The following WNK1 variants were observed in gnomAD, a reference collection of about 807,000 sequenced individuals.
WNK1 encodes WNK lysine deficient protein kinase 1, also known as serine/threonine-protein kinase WNK1.
WNK1 carries 38 observed loss-of-function variants against 222.8 expected under a neutral mutation model. That is an observed-to-expected ratio of 0.17 (90% CI 0.13 to 0.22). The LOEUF is 0.22. Among genes scored for constraint, WNK1 ranks in the 10% least tolerant of loss-of-function variants. The pLI is 1.00. For synonymous variants in WNK1, 1,090 were observed against 1,092.9 expected, an observed-to-expected ratio of 1.00 and a Z score of 0.05; for missense variants, 2,348 against 2,918.4, an observed-to-expected ratio of 0.80 and a Z score of 4.50.
rs768679171 is a variant in WNK1 at position 896,583 on chromosome 12, G to A, written c.6096G>A (p.Ser2032=). The change falls in exon 24 of 28, where the codon TCG becomes TCA. Residue 2032 remains serine, a synonymous_variant. Coordinates refer to ENST00000315939, the MANE Select transcript of WNK1 (RefSeq NM_018979.4). ...ATGATGGTTCCGGTAGTCCACACTC[G>A]CCCCATCAGCTGAGCTCAAAGAGCC... The part of the protein sequence containing the change: ...DVDDGSGSPH[S]PHQLSSKSLP... 7.4e-6 allele frequency: 12 copies of A among 1,610,908 alleles called. No individual in the cohort carries two copies. Among genetic ancestry groups the A allele is most frequent in the South Asian group, 2.2e-5 (2 of 90,878 alleles).
At chr12:790,129 A>G (rs996506534) in intron 1 of WNK1, among the ~76,000 whole-genome samples, 2 of 152,256 alleles carry the variant, frequency 1.3e-5, no homozygotes, top group African/African-American at 4.8e-5. Flanking sequence ...TAGACTGCCA[A>G]CAGTGCCTGC....
rs1028669932 is a variant in WNK1 at position 827,851 on chromosome 12, G to A, written c.1153+589G>A. On this transcript the variant is annotated intron_variant, in intron 3 of 27. Coordinates refer to ENST00000315939, the MANE Select transcript of WNK1 (RefSeq NM_018979.4). The surrounding 1 kb of genome is among the most constrained non-coding windows in gnomAD (Gnocchi z 4.6). ...GCCAGCCATCTTTTCATTACACACTGTTGATACTTAACATTATACACTATT... is the reference window on the plus strand; with the variant it reads ...GCCAGCCATCTTTTCATTACACACTATTGATACTTAACATTATACACTATT... 1.3e-5 allele frequency among the ~76,000 whole-genome samples: 2 copies of A among 151,942 alleles called. No individual in the cohort carries two copies. Among genetic ancestry groups the A allele is most frequent in the Non-Finnish European group, 2.9e-5 (2 of 67,998 alleles).
chr12:832,379 A>G, intron 4 of WNK1, among the ~76,000 whole-genome samples: 1 of 152,200 alleles, frequency 6.6e-6, no homozygotes, highest in East Asian at 1.9e-4. Flanking sequence ...TTTATTATTA[A>G]AAACTGATAG....
chr12:829,673 T>G (rs113809360), intron 3 of WNK1, among the ~76,000 whole-genome samples: 1 of 152,350 alleles, frequency 6.6e-6, no homozygotes, highest in African/African-American at 2.4e-5. Context: ...TCTATTTGTT[T>G]TCAATATGAA....
intron 8 of WNK1, among the ~76,000 whole-genome samples, chr12:869,651 G>A (rs1024090746): frequency 6.6e-6 from 1 of 152,010 alleles, no homozygotes; most frequent in South Asian, 2.1e-4. Context: ...GATAGAAAAG[G>A]AAACAGTTTA....
intron 4 of WNK1, among the ~76,000 whole-genome samples, chr12:855,471 C>A: frequency 6.6e-6 from 1 of 152,136 alleles, no homozygotes; most frequent in East Asian, 1.9e-4. Context: ...TAGAGCTTAT[C>A]ATTTTATGTA....
At chr12:794,453 T>C (rs771558825) in intron 1 of WNK1, among the ~76,000 whole-genome samples, 1 of 152,126 alleles carries the variant, frequency 6.6e-6, no homozygotes, top group African/African-American at 2.4e-5. Flanking sequence ...GGGGTTTTCC[T>C]AGATGCCCTT....
At position 753,522 on chromosome 12, in the gene WNK1, G is replaced by C; in HGVS notation, c.-44G>C. On this transcript the variant is annotated 5_prime_UTR_variant, in exon 1 of 28. Transcript: ENST00000315939. The surrounding 1 kb of genome is among the most constrained non-coding windows in gnomAD (Gnocchi z 5.2). ...CGGCTCGGCCCTTCACGCCCTTTTC[G>C]TTCACGAATCCGAGCCCGCTCGCCT... The C allele has an allele frequency of 6.2e-7, 1 of 1,610,170 alleles. No homozygotes were observed. Among genetic ancestry groups the C allele is most frequent in the Non-Finnish European group, 8.5e-7 (1 of 1,179,534 alleles).
At chr12:756,264 G>A (rs1940013162) in intron 1 of WNK1, among the ~76,000 whole-genome samples, 1 of 151,974 alleles carries the variant, frequency 6.6e-6, no homozygotes, top group Non-Finnish European at 1.5e-5. Flanking sequence ...AGACTTCTTA[G>A]CATGTGATGT....
rs764749440 is a variant in WNK1 at position 890,528 on chromosome 12, TC to T, written c.5509+17del. The T allele has an allele frequency of 5.6e-6, 9 of 1,613,998 alleles. No individual in the cohort carries two copies. The East Asian group carries it at 2.0e-4, about 36-fold the overall frequency. ...TCAGAAGGGTGGTGAGAAACATCCT[TC>T]CTCCTTTTATATTACTAATTCCAGC... On this transcript the variant is annotated intron_variant, in intron 22 of 27. Transcript: ENST00000315939.
At chr12:840,928 A>G (rs1015770926) in intron 4 of WNK1, among the ~76,000 whole-genome samples, 1 of 152,226 alleles carries the variant, frequency 6.6e-6, no homozygotes, top group Non-Finnish European at 1.5e-5. Context: ...TTATTTGCCA[A>G]ATGCAAACTC....
Position 760,791 on chromosome 12 carries a change from G to A in WNK1, c.759+6467G>A, listed in dbSNP as rs1940911066. On this transcript the variant is annotated intron_variant, in intron 1 of 27. Coordinates refer to ENST00000315939, the MANE Select transcript of WNK1 (RefSeq NM_018979.4). ...TTTTTATTGTTGTTGTTTTTGATGG[G>A]GTCTTGCTCTGTCGCCCAGGCTGGA... Among the ~76,000 whole-genome samples the A allele has an allele frequency of 1.4e-5, 2 of 146,004 alleles. 1 individual carries two copies. The highest frequency in any genetic ancestry group is 3.1e-5 in the Non-Finnish European group (2 of 65,552).
chr12:824,185 C>T (rs1948156243), intron 2 of WNK1, among the ~76,000 whole-genome samples: 1 of 150,856 alleles, frequency 6.6e-6, no homozygotes, highest in African/African-American at 2.4e-5. Flanking sequence ...GGGAGTGAGC[C>T]AGCGTCAGCC....
chr12:889,182 A>G lies in WNK1; in HGVS notation c.5407A>G (p.Thr1803Ala), dbSNP rs752331592. The change falls in exon 21 of 28, where the codon ACA (threonine) becomes GCA (alanine). Residue 1803 changes from threonine to alanine, a missense_variant. This residue lies in a region of WNK1 where 1,144 missense variants were observed against 1,273.6 expected (regional missense o/e 0.90). Transcript: ENST00000315939. ...LEDLDAQLRRTLSPEMITVTS... is the reference protein window; with the variant it reads ...LEDLDAQLRRALSPEMITVTS... ...GGATCTTGATGCTCAATTGAGAAGAACACTTAGTCCAGAGATGATCACAGT... is the reference window on the plus strand; with the variant it reads ...GGATCTTGATGCTCAATTGAGAAGAGCACTTAGTCCAGAGATGATCACAGT... 9 of 1,614,158 alleles carry G rather than the reference A, an allele frequency of 5.6e-6. No individual in the cohort carries two copies. The highest frequency in any genetic ancestry group is 1.1e-5 in the South Asian group (1 of 91,084).
At chr12:808,006 A>T (rs1316437860) in intron 1 of WNK1, among the ~76,000 whole-genome samples, 1 of 151,818 alleles carries the variant, frequency 6.6e-6, no homozygotes, top group Non-Finnish European at 1.5e-5. Flanking sequence ...GGCGTGAGCC[A>T]CCGCGCCCGG....
intron 1 of WNK1, among the ~76,000 whole-genome samples, chr12:767,346 G>A (rs1432298140): frequency 7.4e-6 from 1 of 135,172 alleles, no homozygotes; most frequent in Non-Finnish European, 1.5e-5. Flanking sequence ...TACGCCTCCC[G>A]GATTCAAGCA....
At position 908,590 on chromosome 12, in the gene WNK1, TCAC is replaced by T. The variant is rs771255174; in HGVS notation, c.6950_6952del (p.Thr2317del). On this transcript the variant is annotated inframe_deletion, in exon 28 of 28. Coordinates refer to ENST00000315939, the MANE Select transcript of WNK1 (RefSeq NM_018979.4). ...GCATCAGCTACCTCTCTAGGTCACT[TCAC>T]CAAGTCTATGTGCCCCCCACAGCAG... The T allele has an allele frequency of 1.9e-6, 3 of 1,614,140 alleles. No individual in the cohort carries two copies. The highest frequency in any genetic ancestry group is 8.5e-7 in the Non-Finnish European group (1 of 1,180,022).
At chr12:773,057 G>A (rs1367853985) in intron 1 of WNK1, among the ~76,000 whole-genome samples, 2 of 152,182 alleles carry the variant, frequency 1.3e-5, no homozygotes, top group South Asian at 2.1e-4. Flanking sequence ...TCAGGAGTTC[G>A]AGACCAGCCT....
intron 2 of WNK1, among the ~76,000 whole-genome samples, chr12:814,776 G>A (rs1947206408): frequency 6.6e-6 from 1 of 152,070 alleles, no homozygotes; most frequent in Non-Finnish European, 1.5e-5. Context: ...AATGATTCAA[G>A]CACATTACAT....
Sources: gnomAD v4.1 joint callset for allele counts (sites outside exome capture counted in the v4.1 genomes callset) on GRCh38, gnomAD v4.1.1 for gene constraint, gnomAD v4.1.1 regional missense constraint, Gnocchi (gnomAD v3.1) non-coding constraint, MANE v1.5 for transcripts, NCBI Gene and HGNC (gene_info 2026-07-23, HGNC 2026-07-21) for gene names.